BRIP1: variants seen among roughly 807,000 people sequenced by gnomAD.
BRIP1 encodes the protein Fanconi anemia group J protein.
Under a neutral mutation model 119.7 loss-of-function variants are expected in BRIP1, and 88 were observed. The ratio of observed to expected loss-of-function variants is 0.74; its 90% CI spans 0.62 to 0.88. The LOEUF (loss-of-function observed/expected upper bound fraction) is 0.88. Ranked by LOEUF, BRIP1 falls within the 40% of genes least tolerant of loss-of-function variation. The pLI is 0.00. For synonymous variants in BRIP1, 443 were observed against 496.5 expected (o/e 0.89, Z 1.43); for missense variants, 1,259 against 1,455.4 (o/e 0.87, Z 2.20).
chr17:61,745,233 C>T lies in BRIP1; in HGVS notation c.2098-642G>A, dbSNP rs1038117126. On this transcript the variant is annotated intron_variant, in intron 14 of 19. Coordinates refer to ENST00000259008, the MANE Select transcript of BRIP1 (RefSeq NM_032043.3). This position sits in a 1 kb window ranked among gnomAD's most constrained non-coding sequence, Gnocchi z 4.4. ...ACATTTACAGCCATGGGCTAGATTA[C>T]AAAAGGACATTCAACAAATTTTAAG... 3.3e-5 allele frequency among the ~76,000 whole-genome samples: 5 copies of T among 152,062 alleles called. No homozygotes were observed. Among genetic ancestry groups the T allele is most frequent in the Non-Finnish European group, 5.9e-5 (4 of 68,012 alleles).
intron 16 of BRIP1, 46 bp from the exon 17 acceptor site, chr17:61,716,109 C>G (rs552439477): frequency 8.5e-7 from 1 of 1,178,752 alleles, no homozygotes; most frequent in Non-Finnish European, 1.2e-6. Context: ...ATAATTAAAG[C>G]TCATTTTAAA....
At chr17:61,732,050 C>T (rs1437710395) in intron 16 of BRIP1, among the ~76,000 whole-genome samples, 2 of 130,578 alleles carry the variant, frequency 1.5e-5, no homozygotes, top group Non-Finnish European at 3.1e-5. Context: ...GGAGCAATCT[C>T]GGCTCACTGC....
rs747624574 is a variant in BRIP1 at position 61,683,578 on chromosome 17, A to G, written c.3468T>C (p.Asn1156=). 5 of 1,612,474 alleles carry G rather than the reference A, an allele frequency of 3.1e-6. No individual in the cohort carries two copies. Among genetic ancestry groups the G allele is most frequent in the Non-Finnish European group, 2.5e-6 (3 of 1,179,938 alleles). ...KNDLAETDRG[N]RLANNSDCIL... ...TGCAATCTGAATTGTTAGCCAATCT[A>G]TTTCCTCTATCAGTTTCAGCTAGGT... Residue 1156 remains asparagine, a synonymous_variant, in exon 20 of 20, where the codon AAT becomes AAC. Coordinates refer to ENST00000259008, the MANE Select transcript of BRIP1 (RefSeq NM_032043.3). This position sits in a 1 kb window ranked among gnomAD's most constrained non-coding sequence, Gnocchi z 4.7.
At position 61,848,647 on chromosome 17, in the gene BRIP1, T is replaced by C. The variant is rs1031504714; in HGVS notation, c.507+482A>G. On this transcript the variant is annotated intron_variant, in intron 5 of 19. Transcript: ENST00000259008. This position sits in a 1 kb window ranked among gnomAD's most constrained non-coding sequence, Gnocchi z 4.3. ...TAAAATATCTGGTAATTCAAGCCTT[T>C]TAGTAATTTTTAGAAATAAATATAC... Among the ~76,000 whole-genome samples the C allele has an allele frequency of 2.0e-5, 3 of 152,338 alleles. No homozygotes were observed. The highest frequency in any genetic ancestry group is 7.2e-5 in the African/African-American group (3 of 41,580).
In BRIP1 at chr17:61,846,152, C is replaced by A. The variant is rs1057315504; in HGVS notation, c.627+949G>T. On this transcript the variant is annotated intron_variant, in intron 6 of 19. Transcript: ENST00000259008. The surrounding 1 kb of genome is among the most constrained non-coding windows in gnomAD (Gnocchi z 4.3). ...GGCGGAGATCACGCCACCGCACTTC[C>A]AGCCTGGGTGACAGAGCGATACTCC... Among the ~76,000 whole-genome samples, 2 of 151,534 alleles carry A rather than the reference C, an allele frequency of 1.3e-5. No individual in the cohort carries two copies. Among genetic ancestry groups the A allele is most frequent in the African/African-American group, 4.8e-5 (2 of 41,312 alleles).
rs2077556699 is a variant in BRIP1, at chr17:61,777,742, G to C, written c.1936-1180C>G. 2.0e-5 allele frequency among the ~76,000 whole-genome samples: 3 copies of C among 152,304 alleles called. No individual in the cohort carries two copies. The South Asian group carries it at 6.2e-4, about 32-fold the overall frequency. On this transcript the variant is annotated intron_variant, in intron 13 of 19. Transcript: ENST00000259008. ...CCTCCAAGTGTTCAGGAACCTCCAAGTGTTCAGCTATCTGGAAGCTCTCTG... is the reference window on the plus strand; with the variant it reads ...CCTCCAAGTGTTCAGGAACCTCCAACTGTTCAGCTATCTGGAAGCTCTCTG...
intron 9 of BRIP1, among the ~76,000 whole-genome samples, chr17:61,797,434 C>T (rs926250005): frequency 6.6e-6 from 1 of 151,942 alleles, no homozygotes; most frequent in African/African-American, 2.4e-5. Context: ...AAACAATAAC[C>T]TCTGTATTTG....
At position 61,828,104 on chromosome 17, in the gene BRIP1, C is replaced by T. The variant is rs866028681; in HGVS notation, c.627+18997G>A. ...CAGAGACTCAAACAGATACGTACAC[C>T]AATGTTCACAGCAGCATTATTCAAA... On this transcript the variant is annotated intron_variant, in intron 6 of 19. Transcript: ENST00000259008. This position sits in a 1 kb window ranked among gnomAD's most constrained non-coding sequence, Gnocchi z 4.1. Among the ~76,000 whole-genome samples, 5 of 152,204 alleles carry T rather than the reference C, an allele frequency of 3.3e-5. No individual in the cohort carries two copies. The South Asian group carries it at 1.0e-3, about 32-fold the overall frequency.
intron 16 of BRIP1, among the ~76,000 whole-genome samples, chr17:61,737,932 A>T (rs1252697472): frequency 6.6e-6 from 1 of 152,162 alleles, no homozygotes; most frequent in Admixed American, 6.5e-5. Context: ...TTGTGCATGG[A>T]CGTGTTTTGG....
At position 61,862,281 on chromosome 17, in the gene BRIP1, T is replaced by A. The variant is rs1202969424; in HGVS notation, c.-30-712A>T. Among the ~76,000 whole-genome samples the A allele has an allele frequency of 1.3e-5, 2 of 152,170 alleles. No homozygotes were observed. The highest frequency in any genetic ancestry group is 2.9e-5 in the Non-Finnish European group (2 of 68,034). On this transcript the variant is annotated intron_variant, in intron 1 of 19. Transcript: ENST00000259008. This position sits in a 1 kb window ranked among gnomAD's most constrained non-coding sequence, Gnocchi z 5.3. The stretch of plus-strand genomic sequence containing the variant: ...GGCACATAGTAGGCACTCAAAAATG[T>A]TATTTGAAGATCAGTAGAGTATTAT...
Position 61,708,213 on chromosome 17 carries a change from C to T in BRIP1, c.2492+7738G>A, listed in dbSNP as rs941825908. ...TCTTGCCTATGGTCAAAGTTACTCA[C>T]GGTCAAATGTAGTCCAAAAATATTA... is the stretch of plus-strand genomic sequence containing the variant. On this transcript the variant is annotated intron_variant, in intron 17 of 19. Transcript: ENST00000259008. This position sits in a 1 kb window ranked among gnomAD's most constrained non-coding sequence, Gnocchi z 4.4. Among the ~76,000 whole-genome samples, 11 of 152,126 alleles carry T rather than the reference C, an allele frequency of 7.2e-5. No homozygotes were observed. Among genetic ancestry groups the T allele is most frequent in the Non-Finnish European group, 1.3e-4 (9 of 68,044 alleles).
At position 61,794,959 on chromosome 17, in the gene BRIP1, A is replaced by C. The variant is rs968293674; in HGVS notation, c.1341-1230T>G. Among the ~76,000 whole-genome samples, 1 of 151,988 alleles carries C rather than the reference A, an allele frequency of 6.6e-6. No homozygotes were observed. Among genetic ancestry groups the C allele is most frequent in the Non-Finnish European group, 1.5e-5 (1 of 67,978 alleles). Reference sequence around the variant, plus strand: ...TTTGCTTGTTTGAGGATCTGAAAGAAAGCCAATATGATTTGCAGCACAATG... The same window carrying C: ...TTTGCTTGTTTGAGGATCTGAAAGACAGCCAATATGATTTGCAGCACAATG... On this transcript the variant is annotated intron_variant, in intron 9 of 19. Transcript: ENST00000259008. The surrounding 1 kb of genome is among the most constrained non-coding windows in gnomAD (Gnocchi z 4.3).
At chr17:61,702,223 G>A (rs1355622030) in intron 17 of BRIP1, among the ~76,000 whole-genome samples, 1 of 152,040 alleles carries the variant, frequency 6.6e-6, no homozygotes, top group African/African-American at 2.4e-5. Flanking sequence ...CTTCATCTAT[G>A]TTTCAGAGGG....
chr17:61,772,024 C>A (rs1042547228), intron 14 of BRIP1, among the ~76,000 whole-genome samples: 1 of 151,386 alleles, frequency 6.6e-6, no homozygotes. Context: ...AGGTATATAT[C>A]CGAATGAATT....
In BRIP1 at chr17:61,857,099, G is replaced by A. The variant is rs778480809; in HGVS notation, c.338C>T (p.Thr113Ile). ...AGTGCCATTTCTTTCAGAAGGTGGT[G>A]TGCTTGGATAGTTGAAATGACGTGA... ...GTSRHFNYPS[T>I]PPSERNGTSS... Residue 113 changes from threonine (T) to isoleucine (I), a missense_variant, in exon 4 of 20, where the codon ACA (threonine) becomes ATA (isoleucine). Thr to Ile is a moderately conservative substitution (Grantham distance 89, BLOSUM62 -1). Around this residue, in one of 3 missense-constraint regions of BRIP1, gnomAD observed 501 missense variants for 544.0 expected, o/e 0.92. Transcript: ENST00000259008. The surrounding 1 kb of genome is among the most constrained non-coding windows in gnomAD (Gnocchi z 5.1). The A allele has an allele frequency of 1.9e-6, 3 of 1,614,010 alleles. No homozygotes were observed. The highest frequency in any genetic ancestry group is 4.5e-5 in the East Asian group (2 of 44,876).
chr17:61,692,988 T>C (rs1477094078), intron 18 of BRIP1, among the ~76,000 whole-genome samples: 1 of 152,104 alleles, frequency 6.6e-6, no homozygotes, highest in African/African-American at 2.4e-5. Context: ...GACAGATGAA[T>C]GGATAAAGAA....
At position 61,856,435 on chromosome 17, in the gene BRIP1, T is replaced by C. The variant is rs2078897263; in HGVS notation, c.379+623A>G. Among the ~76,000 whole-genome samples the C allele has an allele frequency of 6.6e-6, 1 of 152,164 alleles. No homozygotes were observed. The highest frequency in any genetic ancestry group is 2.1e-4 in the South Asian group (1 of 4,834). On this transcript the variant is annotated intron_variant, in intron 4 of 19. Coordinates refer to ENST00000259008, the MANE Select transcript of BRIP1 (RefSeq NM_032043.3). The surrounding 1 kb of genome is among the most constrained non-coding windows in gnomAD (Gnocchi z 5.1). ...TTTGGACTATGGAGGTACCAATGGATATGGAGATGTACATGAAGAAATAAG... is the reference window on the plus strand; with the variant it reads ...TTTGGACTATGGAGGTACCAATGGACATGGAGATGTACATGAAGAAATAAG...
In BRIP1 at chr17:61,849,247, T is replaced by G; in HGVS notation, c.389A>C (p.Glu130Ala). The change falls in exon 5 of 20, where the codon GAA (glutamate) becomes GCA (alanine). Residue 130 changes from glutamate to alanine, a missense_variant. Around this residue, in one of 3 missense-constraint regions of BRIP1, gnomAD observed 501 missense variants for 544.0 expected, o/e 0.92. Transcript: ENST00000259008. ...GTSSTCQDSP[E>A]KTTLAAKLSA... The stretch of plus-strand genomic sequence containing the variant: ...TAACTTTGCAGCCAGAGTGGTTTTT[T>G]CAGGGGAGTCTTATATAAGTAATTT... 1.2e-6 allele frequency: 2 copies of G among 1,612,634 alleles called. No individual in the cohort carries two copies. The highest frequency in any genetic ancestry group is 1.7e-6 in the Non-Finnish European group (2 of 1,178,996).
At chr17:61,801,135 C>G in intron 8 of BRIP1, 118 bp downstream of exon 8, 2 of 915,998 alleles carry the variant, frequency 2.2e-6, no homozygotes, top group South Asian at 1.5e-5. Context: ...AATATGTTTA[C>G]ACAAATTTAT....
Sources: gnomAD v4.1 joint callset for allele counts (sites outside exome capture counted in the v4.1 genomes callset) on GRCh38, gnomAD v4.1.1 for gene constraint, gnomAD v4.1.1 regional missense constraint, Gnocchi (gnomAD v3.1) non-coding constraint, MANE v1.5 for transcripts, NCBI Gene and HGNC (gene_info 2026-07-23, HGNC 2026-07-21) for gene names.